Variants in CPAP observed in about 807,000 individuals in gnomAD.
CPAP encodes the protein centrosome assembly and centriole elongation protein, also known as centrosomal P4.1-associated protein.
the CPAP span, among the ~76,000 whole-genome samples, chr13:24,920,695 A>G: frequency 1.4e-5 from 2 of 141,880 alleles, no homozygotes; most frequent in African/African-American, 5.4e-5. Context: ...ATCTTGGCTC[A>G]CTGCAACCTC....
At chr13:24,898,326 G>A in the CPAP span, among the ~76,000 whole-genome samples, 3 of 152,174 alleles carry the variant, frequency 2.0e-5, no homozygotes, top group Non-Finnish European at 4.4e-5. Context: ...ACAGCGGGGA[G>A]AGAGATGAAA....
chr13:24,916,622 G>A, the CPAP span, among the ~76,000 whole-genome samples: 1 of 152,170 alleles, frequency 6.6e-6, no homozygotes, highest in Non-Finnish European at 1.5e-5. Context: ...ACTCTTTTGT[G>A]AAGTACTTAC....
the CPAP span, among the ~76,000 whole-genome samples, chr13:24,924,034 C>G: frequency 6.6e-6 from 1 of 152,016 alleles, no homozygotes; most frequent in African/African-American, 2.4e-5. Flanking sequence ...GGGGTTTCAC[C>G]GTGTTAGCCA....
chr13:24,888,399 GGAAAT>G, the CPAP span, among the ~76,000 whole-genome samples: 1 of 152,142 alleles, frequency 6.6e-6, no homozygotes, highest in Non-Finnish European at 1.5e-5. Flanking sequence ...AATGGACAAA[GGAAAT>G]GAACAGGCAG....
chr13:24,907,177 T>C, the CPAP span: 4 of 1,612,616 alleles, frequency 2.5e-6, no homozygotes, highest in African/African-American at 2.7e-5. Flanking sequence ...CTTTCTCCAA[T>C]AGCAGCTTTA....
At chr13:24,913,271 T>C in the CPAP span, among the ~76,000 whole-genome samples, 1 of 152,152 alleles carries the variant, frequency 6.6e-6, no homozygotes, top group South Asian at 2.1e-4. Flanking sequence ...AATAACCAAA[T>C]TGAGTAGATC....
chr13:24,909,957 G>T, the CPAP span: 1 of 1,614,152 alleles, frequency 6.2e-7, no homozygotes, highest in Non-Finnish European at 8.5e-7. Flanking sequence ...AATGTTGGAC[G>T]GGTATGTTTC....
At chr13:24,892,622 C>A in the CPAP span, 3 of 1,597,914 alleles carry the variant, frequency 1.9e-6, no homozygotes, top group African/African-American at 4.0e-5. Flanking sequence ...CCTGACACAA[C>A]CCACCCGCCT....
chr13:24,892,822 T>C, the CPAP span: 1 of 1,613,738 alleles, frequency 6.2e-7, no homozygotes, highest in South Asian at 1.1e-5. Flanking sequence ...TTGGTTTCCT[T>C]TCTTTTCAAA....
the CPAP span, among the ~76,000 whole-genome samples, chr13:24,926,551 AAAAGG>A: frequency 6.6e-6 from 1 of 152,080 alleles, no homozygotes; most frequent in Non-Finnish European, 1.5e-5. Flanking sequence ...AAAGAGCCTA[AAAAGG>A]AAAGGGAAGA....
the CPAP span, among the ~76,000 whole-genome samples, chr13:24,931,047 T>C: frequency 1.3e-5 from 2 of 152,232 alleles, no homozygotes; most frequent in Non-Finnish European, 2.9e-5. Flanking sequence ...ACTTCTCTGA[T>C]GATTAGTGAT....
the CPAP span, chr13:24,906,710 T>G: frequency 1.2e-6 from 2 of 1,614,230 alleles, no homozygotes; most frequent in Non-Finnish European, 1.7e-6. Flanking sequence ...GGTTCTAGCT[T>G]TACTGTCCTT....
chr13:24,907,979 CTAAA>C, the CPAP span: 131 of 1,346,032 alleles, frequency 9.7e-5, no homozygotes, highest in African/African-American at 3.4e-4. Flanking sequence ...AGCTATTGTA[CTAAA>C]TAGTCACATT....
chr13:24,912,079 T>C, the CPAP span: 2 of 1,611,606 alleles, frequency 1.2e-6, no homozygotes, highest in Non-Finnish European at 1.7e-6. Flanking sequence ...GCTTTTTAAA[T>C]ACAAAATTAA....
chr13:24,916,752 C>A, the CPAP span, among the ~76,000 whole-genome samples: 1 of 152,240 alleles, frequency 6.6e-6, no homozygotes, highest in Non-Finnish European at 1.5e-5. Flanking sequence ...CACAGTTATA[C>A]TGGCATAAAC....
chr13:24,895,439 G>A, the CPAP span, among the ~76,000 whole-genome samples: 1 of 152,190 alleles, frequency 6.6e-6, no homozygotes, highest in Non-Finnish European at 1.5e-5. Flanking sequence ...TTAGCCGGGC[G>A]TGGTGGCGGG....
the CPAP span, chr13:24,892,615 G>C: frequency 6.3e-6 from 10 of 1,578,538 alleles, no homozygotes; most frequent in East Asian, 2.2e-4. Flanking sequence ...CCCCTGGCCT[G>C]ACACAACCCA....
chr13:24,895,177 G>A, the CPAP span, among the ~76,000 whole-genome samples: 2 of 152,270 alleles, frequency 1.3e-5, no homozygotes, highest in African/African-American at 2.4e-5. Flanking sequence ...CCTGCGGAAG[G>A]CGCAGCCGGC....
the CPAP span, chr13:24,884,092 A>T: frequency 6.4e-7 from 1 of 1,569,010 alleles, no homozygotes; most frequent in Middle Eastern, 1.7e-4. Context: ...TTCTGTTTAA[A>T]AAGTTGTTAC....
Sources: gnomAD v4.1 joint callset for allele counts (sites outside exome capture counted in the v4.1 genomes callset) on GRCh38, gnomAD v4.1.1 for gene constraint, MANE v1.5 for transcripts, NCBI Gene and HGNC (gene_info 2026-07-23, HGNC 2026-07-21) for gene names.